EFCAB11: variants seen among roughly 807,000 people sequenced by gnomAD.
The protein encoded by EFCAB11 is EF-hand calcium-binding domain-containing protein 11.
EFCAB11 carries 14 observed loss-of-function variants against 23.0 expected under a neutral mutation model. The ratio of observed to expected loss-of-function variants is 0.61; its 90% CI spans 0.40 to 0.95. EFCAB11 has a LOEUF of 0.95. Ranked by LOEUF, EFCAB11 falls within the 40% of genes least tolerant of loss-of-function variation. The probability of loss-of-function intolerance (pLI) is 0.00; values close to 1 mark genes in which losing one functional copy is unlikely to be tolerated. For missense variants in EFCAB11, 198 were observed against 195.8 expected, an observed-to-expected ratio of 1.01 and a Z score of -0.07; for synonymous variants, 65 against 66.6, an observed-to-expected ratio of 0.98 and a Z score of 0.11.
At chr14:89,903,412 GA>G (rs977427476) in intron 5 of EFCAB11, among the ~76,000 whole-genome samples, 1 of 152,008 alleles carries the variant, frequency 6.6e-6, no homozygotes, top group Non-Finnish European at 1.5e-5. Context: ...TCACGCATTT[GA>G]AAAAAATTAT....
At chr14:89,919,714 T>C (rs1889964077) in intron 5 of EFCAB11, among the ~76,000 whole-genome samples, 1 of 152,070 alleles carries the variant, frequency 6.6e-6, no homozygotes, top group African/African-American at 2.4e-5. Context: ...GCTTAGGAAA[T>C]GGGTGAGCCA....
intron 2 of EFCAB11, among the ~76,000 whole-genome samples, chr14:89,953,317 T>C (rs1246844506): frequency 1.3e-5 from 2 of 152,132 alleles, no homozygotes; most frequent in African/African-American, 4.8e-5. Flanking sequence ...GGTTGATATA[T>C]TGTTAAATGA....
chr14:89,870,486 G>A (rs1888231425), intron 5 of EFCAB11, among the ~76,000 whole-genome samples: 1 of 152,090 alleles, frequency 6.6e-6, no homozygotes, highest in Non-Finnish European at 1.5e-5. Context: ...AATAATTCCA[G>A]TTATAAATGT....
chr14:89,834,145 G>GAGAT (rs1886977393), intron 5 of EFCAB11, among the ~76,000 whole-genome samples: 1 of 151,114 alleles, frequency 6.6e-6, no homozygotes, highest in Non-Finnish European at 1.5e-5. Flanking sequence ...ACGAGGTCAG[G>GAGAT]AGATAGAGAC....
intron 5 of EFCAB11, among the ~76,000 whole-genome samples, chr14:89,820,954 C>G (rs1378245130): frequency 1.3e-5 from 2 of 151,938 alleles, no homozygotes; most frequent in Non-Finnish European, 2.9e-5. Flanking sequence ...TTCTCTTTGT[C>G]ACACAGGCTG....
intron 5 of EFCAB11, chr14:89,931,323 G>A: frequency 1.9e-6 from 1 of 518,060 alleles, no homozygotes; most frequent in Non-Finnish European, 3.4e-6. Context: ...CCTGCCTGGT[G>A]TGCAAGCGCT....
chr14:89,896,863 A>G (rs1889183631), intron 5 of EFCAB11, among the ~76,000 whole-genome samples: 1 of 152,100 alleles, frequency 6.6e-6, no homozygotes, highest in Non-Finnish European at 1.5e-5. Context: ...AGCTAGGGCT[A>G]TATGTATGTG....
intron 5 of EFCAB11, among the ~76,000 whole-genome samples, chr14:89,856,536 C>A (rs1288227303): frequency 6.6e-6 from 1 of 152,112 alleles, no homozygotes; most frequent in Non-Finnish European, 1.5e-5. Flanking sequence ...AATGGCTGTA[C>A]CAATGTACAT....
At chr14:89,855,678 A>G (rs980326156) in intron 5 of EFCAB11, among the ~76,000 whole-genome samples, 2 of 152,108 alleles carry the variant, frequency 1.3e-5, no homozygotes, top group African/African-American at 4.8e-5. Flanking sequence ...AATGCAGCAC[A>G]ATTTTATTAC....
chr14:89,893,179 C>G (rs1421467836), intron 5 of EFCAB11, among the ~76,000 whole-genome samples: 1 of 152,202 alleles, frequency 6.6e-6, no homozygotes, highest in Non-Finnish European at 1.5e-5. Flanking sequence ...GAGAAGCCAG[C>G]GTCAGGAAGC....
intron 5 of EFCAB11, chr14:89,924,125 CT>C (rs1890113066): frequency 2.0e-6 from 2 of 985,952 alleles, no homozygotes; most frequent in South Asian, 9.4e-5. Context: ...CCAGCCCCCA[CT>C]AATACTCTGA....
At chr14:89,866,962 G>C (rs1218979374) in intron 5 of EFCAB11, among the ~76,000 whole-genome samples, 2 of 152,158 alleles carry the variant, frequency 1.3e-5, no homozygotes, top group African/African-American at 4.8e-5. Context: ...GTGGAGACAG[G>C]GTTTCACCGT....
intron 5 of EFCAB11, among the ~76,000 whole-genome samples, chr14:89,868,552 G>A (rs1487355267): frequency 1.3e-5 from 2 of 152,192 alleles, no homozygotes; most frequent in Non-Finnish European, 2.9e-5. Context: ...ACAACTGGGG[G>A]TCCAAGGTCT....
intron 5 of EFCAB11, among the ~76,000 whole-genome samples, chr14:89,885,405 G>T (rs533938601): frequency 6.6e-6 from 1 of 152,254 alleles, no homozygotes; most frequent in East Asian, 1.9e-4. Flanking sequence ...GCCAGCGGGC[G>T]TGGTGGCTCA....
At chr14:89,826,925 C>T (rs1886709250) in intron 5 of EFCAB11, among the ~76,000 whole-genome samples, 2 of 152,212 alleles carry the variant, frequency 1.3e-5, no homozygotes, top group South Asian at 2.1e-4. Flanking sequence ...CATTGACAAG[C>T]TGCTCAGCAC....
intron 5 of EFCAB11, among the ~76,000 whole-genome samples, chr14:89,890,786 C>T (rs986379609): frequency 6.6e-6 from 1 of 152,216 alleles, no homozygotes; most frequent in Admixed American, 6.5e-5. Context: ...TCACTCACAT[C>T]GTGCACTGGG....
At chr14:89,907,954 A>G (rs932660471) in intron 5 of EFCAB11, among the ~76,000 whole-genome samples, 19 of 152,312 alleles carry the variant, frequency 1.2e-4, no homozygotes, top group Non-Finnish European at 2.9e-5. Flanking sequence ...CAAGTAAAGC[A>G]TTTAGAACAG....
At chr14:89,914,943 A>C (rs1001004331) in intron 5 of EFCAB11, among the ~76,000 whole-genome samples, 1 of 152,138 alleles carries the variant, frequency 6.6e-6, no homozygotes, top group African/African-American at 2.4e-5. Context: ...AGGGCTAAAC[A>C]GTAAAGGGTT....
chr14:89,858,656 A>ATTTTTTTTTTTT (rs10648464), intron 5 of EFCAB11, among the ~76,000 whole-genome samples: 3 of 88,990 alleles, frequency 3.4e-5, no homozygotes, highest in Non-Finnish European at 6.3e-5. Flanking sequence ...CACCCAGCTA[A>ATTTTTTTTTTTT]TTTTTTTTTT....
Sources: allele counts gnomAD v4.1 joint callset (sites outside exome capture counted in the v4.1 genomes callset), GRCh38; gene constraint gnomAD v4.1.1; transcripts MANE v1.5; gene names NCBI Gene and HGNC (gene_info 2026-07-23, HGNC 2026-07-21).